ENTHD1: variants seen among roughly 807,000 people sequenced by gnomAD.
The protein encoded by ENTHD1 is ENTH domain containing 1.
A neutral mutation model predicts 39.1 loss-of-function variants in ENTHD1; 23 were observed. That is an observed-to-expected ratio of 0.59 (90% confidence interval 0.42 to 0.83). ENTHD1 has a LOEUF of 0.83. ENTHD1 is among the 40% of genes least tolerant of loss of function. ENTHD1 has a pLI of 0.00. For synonymous variants in ENTHD1, 230 were observed against 258.2 expected (o/e 0.89, Z 1.05); for missense variants, 624 against 705.4 (o/e 0.88, Z 1.31).
intron 6 of ENTHD1, among the ~76,000 whole-genome samples, chr22:39,752,524 A>ATCC (rs2065155367): frequency 6.6e-6 from 1 of 152,258 alleles, no homozygotes; most frequent in Non-Finnish European, 1.5e-5. Context: ...TAAATCATAC[A>ATCC]TTTTAAAAGG....
At chr22:39,817,993 TA>T (rs1325054391) in intron 5 of ENTHD1, among the ~76,000 whole-genome samples, 1 of 152,232 alleles carries the variant, frequency 6.6e-6, no homozygotes, top group African/African-American at 2.4e-5. Context: ...GGAGAGGTTG[TA>T]GGGGGGTCTA....
chr22:39,889,314 G>A (rs1184165364), intron 1 of ENTHD1, among the ~76,000 whole-genome samples: 1 of 152,076 alleles, frequency 6.6e-6, no homozygotes, highest in Non-Finnish European at 1.5e-5. Flanking sequence ...AACTTAAAAG[G>A]GAAATGCAGC....
At chr22:39,776,082 C>T (rs928531316) in intron 5 of ENTHD1, among the ~76,000 whole-genome samples, 5 of 151,870 alleles carry the variant, frequency 3.3e-5, no homozygotes, top group African/African-American at 7.3e-5. Flanking sequence ...GTTGTAGAGA[C>T]GAGCTCTTGC....
chr22:39,761,463 T>G (rs2065232300), intron 6 of ENTHD1, among the ~76,000 whole-genome samples: 1 of 152,158 alleles, frequency 6.6e-6, no homozygotes, highest in Non-Finnish European at 1.5e-5. Flanking sequence ...ATCTGAAAGT[T>G]TATTTCTTTC....
chr22:39,754,459 C>T (rs1182278806), intron 6 of ENTHD1, among the ~76,000 whole-genome samples: 2 of 152,206 alleles, frequency 1.3e-5, no homozygotes, highest in Non-Finnish European at 2.9e-5. Context: ...TCTTCATGGT[C>T]CCTATACCAC....
intron 5 of ENTHD1, among the ~76,000 whole-genome samples, chr22:39,777,809 A>G (rs1161461483): frequency 6.6e-6 from 1 of 152,256 alleles, no homozygotes; most frequent in Non-Finnish European, 1.5e-5. Context: ...ATTTCCCTCA[A>G]TAGATTATAG....
rs767330828 is a variant in ENTHD1 at position 39,765,210 on chromosome 22, T to TGTGTG, written c.1219+12_1219+13insCACAC. The TGTGTG allele has an allele frequency of 1.3e-6, 2 of 1,491,118 alleles. No individual in the cohort carries two copies. The highest frequency in any genetic ancestry group is 1.8e-6 in the Non-Finnish European group (2 of 1,112,890). 92.4% of individuals were successfully genotyped at this position (1,491,118 alleles called of 1,614,324 possible). ...TGTGTGTGTGTGTGTGTGTGTGTGT[T>TGTGTG]TGGCAGACTCACCCCGTGTGGTTGT... On this transcript the variant is annotated intron_variant, in intron 6 of 6. Coordinates refer to ENST00000325157, the MANE Select transcript of ENTHD1 (RefSeq NM_152512.4).
intron 1 of ENTHD1, among the ~76,000 whole-genome samples, chr22:39,891,973 A>G (rs142321636): frequency 6.6e-6 from 1 of 152,256 alleles, no homozygotes; most frequent in East Asian, 1.9e-4. Flanking sequence ...CCAGATGGTC[A>G]CAAACTCCTA....
At chr22:39,853,553 A>C (rs373318371) in intron 3 of ENTHD1, among the ~76,000 whole-genome samples, 5 of 151,980 alleles carry the variant, frequency 3.3e-5, no homozygotes, top group African/African-American at 7.2e-5. Context: ...AACAAAAAAA[A>C]CCAAAACACT....
intron 5 of ENTHD1, among the ~76,000 whole-genome samples, chr22:39,767,573 T>C (rs542036695): frequency 6.6e-6 from 1 of 152,332 alleles, no homozygotes; most frequent in South Asian, 2.1e-4. Flanking sequence ...CACATTTACA[T>C]CAAATCATTC....
intron 5 of ENTHD1, among the ~76,000 whole-genome samples, chr22:39,771,442 C>T (rs1173214402): frequency 6.6e-6 from 1 of 151,898 alleles, no homozygotes; most frequent in Non-Finnish European, 1.5e-5. Context: ...TTCAGAGCTA[C>T]CACAGCACTG....
chr22:39,827,078 C>T (rs1250191960), intron 4 of ENTHD1, among the ~76,000 whole-genome samples: 7 of 150,118 alleles, frequency 4.7e-5, no homozygotes, highest in African/African-American at 1.5e-4. Flanking sequence ...TGCAGTGGCG[C>T]GATCTCGGCT....
chr22:39,884,378 C>A (rs2066364280), intron 2 of ENTHD1, among the ~76,000 whole-genome samples: 1 of 152,080 alleles, frequency 6.6e-6, no homozygotes, highest in African/African-American at 2.4e-5. Flanking sequence ...TGGGGTTTCA[C>A]CATGTTGGCC....
chr22:39,808,182 C>A (rs1312100783), intron 5 of ENTHD1, among the ~76,000 whole-genome samples: 1 of 151,266 alleles, frequency 6.6e-6, no homozygotes, highest in African/African-American at 2.4e-5. Flanking sequence ...GTGTTGGCTA[C>A]TGCTACTATC....
intron 2 of ENTHD1, among the ~76,000 whole-genome samples, chr22:39,873,835 A>C (rs1335004438): frequency 6.6e-6 from 1 of 152,362 alleles, no homozygotes; most frequent in Non-Finnish European, 1.5e-5. Context: ...AAAACATAGA[A>C]CATATTCCTT....
intron 2 of ENTHD1, among the ~76,000 whole-genome samples, chr22:39,886,458 A>C (rs997594050): frequency 6.6e-6 from 1 of 152,190 alleles, no homozygotes; most frequent in African/African-American, 2.4e-5. Context: ...GGACCACACT[A>C]ATGCAAGATG....
chr22:39,793,341 GTT>G (rs78459155), intron 5 of ENTHD1, among the ~76,000 whole-genome samples: 8 of 130,032 alleles, frequency 6.2e-5, no homozygotes, highest in Non-Finnish European at 8.4e-5. Context: ...ATTATTAGTT[GTT>G]TTTTTTTTTT....
chr22:39,842,175 T>G (rs1601633381), intron 3 of ENTHD1, among the ~76,000 whole-genome samples: 2 of 150,734 alleles, frequency 1.3e-5, no homozygotes, highest in East Asian at 2.0e-4. Flanking sequence ...TAACATTTTT[T>G]CCTTCATTTC....
rs541007024 is a variant in ENTHD1 at position 39,804,452 on chromosome 22, CAA to C, written c.832+16539_832+16540del. Among the ~76,000 whole-genome samples the C allele has an allele frequency of 1.7e-3, 136 of 78,000 alleles. 1 individual carries two copies. Among genetic ancestry groups the C allele is most frequent in the African/African-American group, 4.5e-3 (98 of 21,932 alleles). The allele number at this position is 78,000 out of a possible 152,430, so 51.2% of individuals were successfully genotyped here. A position where few individuals can be genotyped will look rare whatever the true frequency, so the allele number is the denominator to read the frequency against. On this transcript the variant is annotated intron_variant, in intron 5 of 6. Coordinates refer to ENST00000325157, the MANE Select transcript of ENTHD1 (RefSeq NM_152512.4). The stretch of plus-strand genomic sequence containing the variant: ...AGCCTGGGTGACAAAGACTCTGTCT[CAA>C]AAAAAAAAAAAAAAAAAAAATTGAT...
Sources: allele counts gnomAD v4.1 joint callset (sites outside exome capture counted in the v4.1 genomes callset), GRCh38; gene constraint gnomAD v4.1.1; transcripts MANE v1.5; gene names NCBI Gene and HGNC (gene_info 2026-07-23, HGNC 2026-07-21).